The following KIF20A variants were observed in gnomAD, a reference collection of about 807,000 sequenced individuals.
KIF20A encodes the protein kinesin-like protein KIF20A.
A neutral mutation model predicts 113.0 loss-of-function variants in KIF20A; 66 were observed. The ratio of observed to expected loss-of-function variants is 0.58; its 90% CI spans 0.48 to 0.72. KIF20A has a LOEUF of 0.72. KIF20A is among the 30% of genes least tolerant of loss of function. The pLI, the probability that KIF20A is intolerant of heterozygous loss-of-function variation, is 0.00. For missense variants in KIF20A, 927 were observed against 1,077.6 expected (o/e 0.86, Z 1.96); for synonymous variants, 376 against 402.3 (o/e 0.93, Z 0.78).
At position 138,181,685 on chromosome 5, in the gene KIF20A, A is replaced by G; in HGVS notation, c.332A>G (p.Glu111Gly). 5 of 1,614,166 alleles carry G rather than the reference A, an allele frequency of 3.1e-6. No individual in the cohort carries two copies. The highest frequency in any genetic ancestry group is 4.2e-6 in the Non-Finnish European group (5 of 1,180,036). Residue 111 changes from glutamate to glycine, a missense_variant, in exon 4 of 19, where the codon GAA (glutamate) becomes GGA (glycine). Glu to Gly is a moderately conservative substitution (Grantham distance 98). Coordinates refer to ENST00000394894, the MANE Select transcript of KIF20A (RefSeq NM_005733.3). Reference sequence around the variant, plus strand: ...GACTCTTTTGCCCTGAAGAGCAATGAACGGGGAATTGGCCAAGCCACACAC... The same window carrying G: ...GACTCTTTTGCCCTGAAGAGCAATGGACGGGGAATTGGCCAAGCCACACAC... ...PKDSFALKSN[E>G]RGIGQATHRF...
rs763143210 is a variant in KIF20A at position 138,186,383 on chromosome 5, A to T, written c.2307A>T (p.Gly769=). ...CTTGTTGCCACAGCACTGGGGCAGG[A>T]AAACTTCGTCAAGCCTTGACCACTT... ...ERACCHSTGA[G]KLRQALTTCD... is the part of the protein sequence containing the mutation. Residue 769 remains glycine, a synonymous_variant, in exon 18 of 19, where the codon GGA becomes GGT. Transcript: ENST00000394894. 1.2e-6 allele frequency: 2 copies of T among 1,610,662 alleles called. No individual in the cohort carries two copies. The highest frequency in any genetic ancestry group is 1.7e-6 in the Non-Finnish European group (2 of 1,179,280).
chr5:138,187,650 T>C lies in KIF20A; in HGVS notation c.*237T>C, dbSNP rs1754768962. 2 of 366,916 alleles carry C rather than the reference T, an allele frequency of 5.5e-6. No individual in the cohort carries two copies. The highest frequency in any genetic ancestry group is 9.6e-5 in the South Asian group (2 of 20,830). 22.7% of individuals were successfully genotyped at this position (366,916 alleles called of 1,614,324 possible). ...CACAAAAACAGTTATATTAAAGATATTATTGTTCACATTTTTTATTGAATT... is the reference window on the plus strand; with the variant it reads ...CACAAAAACAGTTATATTAAAGATACTATTGTTCACATTTTTTATTGAATT... On this transcript the variant is annotated 3_prime_UTR_variant, in exon 19 of 19. Coordinates refer to ENST00000394894, the MANE Select transcript of KIF20A (RefSeq NM_005733.3).
chr5:138,187,199 T>TC lies in KIF20A; in HGVS notation c.2461dup (p.Gln821ProfsTer114). 3 of 1,614,128 alleles carry TC rather than the reference T, an allele frequency of 1.9e-6. No individual in the cohort carries two copies. Among genetic ancestry groups the TC allele is most frequent in the Non-Finnish European group, 2.5e-6 (3 of 1,180,014 alleles). On this transcript the variant is annotated frameshift_variant, in exon 19 of 19. Coordinates refer to ENST00000394894, the MANE Select transcript of KIF20A (RefSeq NM_005733.3). LOFTEE classifies it high-confidence loss of function. ...GAGCAGTATCATACTGTGTTGAAACTCCAAGGCCAGGTTTCTGCCAAAAAG... is the reference window on the plus strand; with the variant it reads ...GAGCAGTATCATACTGTGTTGAAACTCCCAAGGCCAGGTTTCTGCCAAAAAG...
Position 138,187,514 on chromosome 5 carries a change from T to C in KIF20A, c.*101T>C, listed in dbSNP as rs1754766525. 2.1e-6 allele frequency: 2 copies of C among 937,498 alleles called. No homozygotes were observed. The allele number at this position is 937,498 out of a possible 1,614,324, so 58.1% of individuals were successfully genotyped here. ...ATGCTTTACCATATATCAGGAATTA[T>C]ATCCAGGATGCAATACTCAGACACT... On this transcript the variant is annotated 3_prime_UTR_variant, in exon 19 of 19. Transcript: ENST00000394894.
intron 5 of KIF20A, 38 bp downstream of exon 5, chr5:138,182,499 G>GT: frequency 6.2e-7 from 1 of 1,612,578 alleles, no homozygotes; most frequent in Non-Finnish European, 8.5e-7. Context: ...TGATTGGCTG[G>GT]TAATGGTGTT....
rs1402638941 is a variant in KIF20A at position 138,183,265 on chromosome 5, A to G, written c.929A>G (p.Asn310Ser). ...SIWISFFEIYNELLYDLLEPP... is the reference protein window; with the variant it reads ...SIWISFFEIYSELLYDLLEPP... ...TGGATCTCATTCTTTGAGATCTACA[A>G]CGAACTGCTTTATGACCTATTAGAA... Residue 310 changes from asparagine (N) to serine (S), a missense_variant, in exon 8 of 19, where the codon AAC becomes AGC. Asn to Ser is a conservative substitution (Grantham distance 46). Transcript: ENST00000394894. This position sits in a 1 kb window ranked among gnomAD's most constrained non-coding sequence, Gnocchi z 5.2. The G allele has an allele frequency of 1.2e-6, 2 of 1,613,278 alleles. No individual in the cohort carries two copies. Among genetic ancestry groups the G allele is most frequent in the Non-Finnish European group, 1.7e-6 (2 of 1,179,776 alleles).
Position 138,187,220 on chromosome 5 carries a change from A to G in KIF20A, c.2480A>G (p.Lys827Arg). 6.2e-7 allele frequency: 1 copy of G among 1,614,202 alleles called. No individual in the cohort carries two copies. The highest frequency in any genetic ancestry group is 8.5e-7 in the Non-Finnish European group (1 of 1,180,024). ...AAACTCCAAGGCCAGGTTTCTGCCA[A>G]AAAGCGCCTTGGTACCAACCAGGAA... The part of the protein sequence containing the change: ...VLKLQGQVSA[K>R]KRLGTNQENQ... The change falls in exon 19 of 19, where the codon AAA becomes AGA. Residue 827 changes from lysine to arginine, a missense_variant. Coordinates refer to ENST00000394894, the MANE Select transcript of KIF20A (RefSeq NM_005733.3).
intron 15 of KIF20A, 23 bp from the exon 16 acceptor site, chr5:138,185,489 T>C: frequency 1.9e-6 from 3 of 1,608,516 alleles, no homozygotes; most frequent in Non-Finnish European, 2.6e-6. Flanking sequence ...TGCAAAGAAT[T>C]GTGCTCTCTG....
At chr5:138,182,499 G>A in intron 5 of KIF20A, 38 bp downstream of exon 5, 1 of 1,612,578 alleles carries the variant, frequency 6.2e-7, no homozygotes, top group Non-Finnish European at 8.5e-7. Flanking sequence ...TGATTGGCTG[G>A]TAATGGTGTT....
chr5:138,184,156 C>G (rs1378943990), intron 11 of KIF20A, 51 bp downstream of exon 11: 3 of 1,611,916 alleles, frequency 1.9e-6, no homozygotes, highest in Non-Finnish European at 2.5e-6. Context: ...AAGAGACTTC[C>G]TGGACACCAC....
At position 138,187,425 on chromosome 5, in the gene KIF20A, AAG is replaced by A. The variant is rs772615793; in HGVS notation, c.*16_*17del. 4.4e-6 allele frequency: 7 copies of A among 1,606,680 alleles called. No individual in the cohort carries two copies. Among genetic ancestry groups the A allele is most frequent in the African/African-American group, 4.0e-5 (3 of 74,666 alleles). On this transcript the variant is annotated 3_prime_UTR_variant, in exon 19 of 19. Coordinates refer to ENST00000394894, the MANE Select transcript of KIF20A (RefSeq NM_005733.3). ...GCAAAAAGTACTAAGGCTGTGGGGA[AAG>A]AGAAGAGCAGTCATGGCCCTGAGGT... is the stretch of plus-strand genomic sequence containing the variant.
At position 138,181,708 on chromosome 5, in the gene KIF20A, C is replaced by A; in HGVS notation, c.355C>A (p.His119Asn). Reference sequence around the variant, plus strand: ...TGAACGGGGAATTGGCCAAGCCACACACAGGTTCACCTTTTCCCAGGTATG... The same window carrying A: ...TGAACGGGGAATTGGCCAAGCCACAAACAGGTTCACCTTTTCCCAGGTATG... Reference protein sequence around the residue: ...SNERGIGQATHRFTFSQIFGP... With the variant: ...SNERGIGQATNRFTFSQIFGP... Residue 119 changes from histidine to asparagine, a missense_variant, in exon 4 of 19, where the codon CAC becomes AAC. Physicochemically the swap from His to Asn is moderately conservative, Grantham distance 68. Transcript: ENST00000394894. 2 of 1,614,022 alleles carry A rather than the reference C, an allele frequency of 1.2e-6. No homozygotes were observed. The highest frequency in any genetic ancestry group is 1.7e-6 in the Non-Finnish European group (2 of 1,180,032).
chr5:138,184,659 T>C lies in KIF20A; in HGVS notation c.1666T>C (p.Ser556Pro). The C allele has an allele frequency of 1.2e-6, 2 of 1,614,066 alleles. No individual in the cohort carries two copies. Among genetic ancestry groups the C allele is most frequent in the Non-Finnish European group, 1.7e-6 (2 of 1,179,972 alleles). The change falls in exon 13 of 19, where the codon TCC (serine) becomes CCC (proline). Residue 556 changes from serine to proline, a missense_variant. By Grantham distance (74) the Ser-to-Pro change is moderately conservative. Transcript: ENST00000394894. Reference protein sequence around the residue: ...DDDIENEADISMYGKEELLQV... With the variant: ...DDDIENEADIPMYGKEELLQV... ...TGATATTGAAAATGAAGCTGACATC[T>C]CCATGTATGGCAAAGAGGTGAGAAT...
chr5:138,181,993 T>C, intron 4 of KIF20A: 1 of 573,984 alleles, frequency 1.7e-6, no homozygotes, highest in East Asian at 2.9e-5. Context: ...TGAAGCCATG[T>C]AGCTAGTCAC....
In KIF20A at chr5:138,185,653, CAGG is replaced by C. The variant is rs766144080; in HGVS notation, c.2072_2074del (p.Glu691del). 4.3e-6 allele frequency: 7 copies of C among 1,614,054 alleles called. No individual in the cohort carries two copies. In the South Asian group the frequency reaches 7.7e-5, roughly 18 times the overall value. ...AGCTTCTGCCTCCACCCAGCAGCTT[CAGG>C]AGGTTAAAGCTAAATTACAGCAGTG... On this transcript the variant is annotated inframe_deletion, in exon 16 of 19. Coordinates refer to ENST00000394894, the MANE Select transcript of KIF20A (RefSeq NM_005733.3).
chr5:138,182,535 TAG>T (rs1754675781), intron 5 of KIF20A, 49 bp from the exon 6 acceptor site: 1 of 1,612,830 alleles, frequency 6.2e-7, no homozygotes, highest in African/African-American at 1.3e-5. Context: ...GACTCTGAGT[TAG>T]GGGGAGAAGG....
At position 138,183,280 on chromosome 5, in the gene KIF20A, A is replaced by G. The variant is rs1411663369; in HGVS notation, c.944A>G (p.Asp315Gly). The stretch of plus-strand genomic sequence containing the variant: ...GAGATCTACAACGAACTGCTTTATG[A>G]CCTATTAGAACCGCCTAGCCAACAG... ...FFEIYNELLY[D>G]LLEPPSQQRK... The change falls in exon 8 of 19, where the codon GAC becomes GGC. Residue 315 changes from aspartate to glycine, a missense_variant. Physicochemically the swap from Asp to Gly is moderately conservative, Grantham distance 94. Coordinates refer to ENST00000394894, the MANE Select transcript of KIF20A (RefSeq NM_005733.3). This position sits in a 1 kb window ranked among gnomAD's most constrained non-coding sequence, Gnocchi z 5.2. 6.2e-7 allele frequency: 1 copy of G among 1,614,210 alleles called. No individual in the cohort carries two copies.
rs540415158 is a variant in KIF20A, at chr5:138,187,031, A to G, written c.2356-65A>G. 4.4e-5 allele frequency: 53 copies of G among 1,217,492 alleles called. No individual in the cohort carries two copies. The East Asian group carries it at 1.2e-3, about 28-fold the overall frequency. 75.4% of individuals were successfully genotyped at this position (1,217,492 alleles called of 1,614,324 possible). On this transcript the variant is annotated intron_variant, in intron 18 of 18. Coordinates refer to ENST00000394894, the MANE Select transcript of KIF20A (RefSeq NM_005733.3). ...GTAATGGATGGTATGTATTACCCTT[A>G]GCCCTCTCGTTTCTCTAATATACCA...
At chr5:138,180,831 C>G (rs1435462106) in intron 2 of KIF20A, among the ~76,000 whole-genome samples, 1 of 152,174 alleles carries the variant, frequency 6.6e-6, no homozygotes, top group Non-Finnish European at 1.5e-5. Context: ...CACCTACCAC[C>G]AAGCCCAGCT....
Sources: gnomAD v4.1 joint callset for allele counts (sites outside exome capture counted in the v4.1 genomes callset) on GRCh38, gnomAD v4.1.1 for gene constraint, Gnocchi (gnomAD v3.1) non-coding constraint, MANE v1.5 for transcripts, NCBI Gene and HGNC (gene_info 2026-07-23, HGNC 2026-07-21) for gene names.